SLCO3A1: variants seen among roughly 807,000 people sequenced by gnomAD.
The protein encoded by SLCO3A1 is solute carrier organic anion transporter family member 3A1, also known as PGE1 transporter.
SLCO3A1 carries 27 observed loss-of-function variants against 63.1 expected under a neutral mutation model. The ratio of observed to expected loss-of-function variants is 0.43; its 90% CI spans 0.32 to 0.59. The LOEUF (loss-of-function observed/expected upper bound fraction) is 0.59. Among genes scored for constraint, SLCO3A1 ranks in the 20% least tolerant of loss-of-function variants. The probability of loss-of-function intolerance (pLI) is 0.09; values close to 1 mark genes in which losing one functional copy is unlikely to be tolerated. For missense variants in SLCO3A1, 773 were observed against 945.8 expected (o/e 0.82, Z 2.40); for synonymous variants, 473 against 409.9 (o/e 1.15, Z -1.86).
intron 4 of SLCO3A1, among the ~76,000 whole-genome samples, chr15:92,112,059 G>C (rs1287719651): frequency 6.6e-6 from 1 of 152,216 alleles, no homozygotes; most frequent in African/African-American, 2.4e-5. Context: ...GGTTCAAAGG[G>C]ATGAACTGAG....
intron 2 of SLCO3A1, among the ~76,000 whole-genome samples, chr15:91,979,205 A>G (rs1355974366): frequency 6.6e-6 from 1 of 151,334 alleles, no homozygotes; most frequent in African/African-American, 2.4e-5. Flanking sequence ...TTTTTTTTTT[A>G]ATTTTGGAAT....
At chr15:92,010,177 T>A (rs12905912) in intron 2 of SLCO3A1, among the ~76,000 whole-genome samples, 47,922 of 152,098 alleles carry the variant, frequency 0.32, 7,751 homozygotes, top group Admixed American at 0.37. Context: ...TTTTGTTGAA[T>A]TATGGGATGC....
chr15:91,998,206 C>A (rs956208959), intron 2 of SLCO3A1, among the ~76,000 whole-genome samples: 1 of 152,138 alleles, frequency 6.6e-6, no homozygotes, highest in Non-Finnish European at 1.5e-5. Context: ...GTAATCCCAG[C>A]ACTTTGGGAG....
In SLCO3A1 at chr15:91,942,276, A is replaced by G. The variant is rs991173439; in HGVS notation, c.646+25818A>G. Among the ~76,000 whole-genome samples the G allele has an allele frequency of 2.0e-5, 3 of 152,306 alleles. No individual in the cohort carries two copies. ...CAACTGCTGAACCCCACAATGTCTG[A>G]TCTATAGCAGGCATTTCAGAGCCTC... On this transcript the variant is annotated intron_variant, in intron 2 of 9. Transcript: ENST00000318445. This position sits in a 1 kb window ranked among gnomAD's most constrained non-coding sequence, Gnocchi z 4.1.
At chr15:91,979,765 A>G (rs2045960961) in intron 2 of SLCO3A1, among the ~76,000 whole-genome samples, 1 of 152,218 alleles carries the variant, frequency 6.6e-6, no homozygotes, top group East Asian at 1.9e-4. Context: ...TATACAATGC[A>G]TGTCAAGTGC....
chr15:91,940,292 A>G (rs74028385), intron 2 of SLCO3A1, among the ~76,000 whole-genome samples: 1,740 of 152,022 alleles, frequency 0.011, 37 homozygotes, highest in African/African-American at 0.04. Context: ...TACACGTGCA[A>G]TCCAATAGAT....
chr15:91,984,648 A>G (rs1255618592), intron 2 of SLCO3A1, among the ~76,000 whole-genome samples: 2 of 152,222 alleles, frequency 1.3e-5, no homozygotes, highest in African/African-American at 4.8e-5. Context: ...ACAGTATTGT[A>G]AAATGTCTTA....
At chr15:91,884,155 T>C (rs1775613193) in intron 1 of SLCO3A1, among the ~76,000 whole-genome samples, 1 of 152,252 alleles carries the variant, frequency 6.6e-6, no homozygotes, top group South Asian at 2.1e-4. Flanking sequence ...TCCGAGGTCC[T>C]GAGAGTTAGA....
In SLCO3A1 at chr15:91,965,721, G is replaced by GGTGTGTGT. The variant is rs35543509; in HGVS notation, c.646+49289_646+49296dup. 2.2e-3 allele frequency among the ~76,000 whole-genome samples: 318 copies of GGTGTGTGT among 147,628 alleles called. 3 individuals are homozygous for GGTGTGTGT. The highest frequency in any genetic ancestry group is 7.0e-3 in the African/African-American group (279 of 40,066). On this transcript the variant is annotated intron_variant, in intron 2 of 9. Transcript: ENST00000318445. ...CACTTGAATTGTGGGCAGCCAGCAG[G>GGTGTGTGT]GTGTGTGTGTGTGTGTGTGTGTGTG...
intron 1 of SLCO3A1, among the ~76,000 whole-genome samples, chr15:91,866,166 G>A (rs942268288): frequency 6.6e-5 from 10 of 152,116 alleles, no homozygotes; most frequent in Non-Finnish European, 1.2e-4. Context: ...GGGCCTAGCC[G>A]AATGCTGGGA....
At chr15:91,896,166 T>C (rs1268512602) in intron 1 of SLCO3A1, among the ~76,000 whole-genome samples, 1 of 152,144 alleles carries the variant, frequency 6.6e-6, no homozygotes, top group African/African-American at 2.4e-5. Flanking sequence ...GTTCATAATA[T>C]GGTTGTAGAA....
At chr15:92,060,468 G>A (rs918764556) in intron 2 of SLCO3A1, among the ~76,000 whole-genome samples, 21 of 151,114 alleles carry the variant, frequency 1.4e-4, no homozygotes, top group African/African-American at 2.9e-4. Context: ...GCTGAGGCAC[G>A]CTTGAACCTG....
chr15:92,101,278 G>A lies in SLCO3A1; in HGVS notation c.746-3001G>A, dbSNP rs147286956. ...AATCTCAGCACTTTGGGAGGCCAAC[G>A]CGGGTGGATCACCTGAGGTCAGGAG... On this transcript the variant is annotated intron_variant, in intron 3 of 9. Coordinates refer to ENST00000318445, the MANE Select transcript of SLCO3A1 (RefSeq NM_013272.4). Among the ~76,000 whole-genome samples, 254 of 152,262 alleles carry A rather than the reference G, an allele frequency of 1.7e-3. 3 individuals are homozygous for A. The highest frequency in any genetic ancestry group is 5.7e-3 in the African/African-American group (238 of 41,542).
intron 1 of SLCO3A1, among the ~76,000 whole-genome samples, chr15:91,908,333 C>T (rs1384691725): frequency 6.6e-6 from 1 of 151,674 alleles, no homozygotes; most frequent in African/African-American, 2.4e-5. Flanking sequence ...TAAAATGGCC[C>T]CCATTTATAT....
At chr15:91,910,875 G>A (rs1162616537) in intron 1 of SLCO3A1, among the ~76,000 whole-genome samples, 3 of 152,232 alleles carry the variant, frequency 2.0e-5, no homozygotes, top group African/African-American at 7.2e-5. Flanking sequence ...GGTGATGCCA[G>A]TTCAGGCCAA....
intron 2 of SLCO3A1, among the ~76,000 whole-genome samples, chr15:92,017,314 A>G (rs1209343668): frequency 6.6e-6 from 1 of 151,688 alleles, no homozygotes; most frequent in Non-Finnish European, 1.5e-5. Context: ...AGCAGGTGGC[A>G]TTGAAAACAT....
intron 2 of SLCO3A1, among the ~76,000 whole-genome samples, chr15:92,001,137 A>G (rs556964036): frequency 1.3e-5 from 2 of 148,236 alleles, no homozygotes; most frequent in Non-Finnish European, 3.0e-5. Flanking sequence ...AAAAAAGAAA[A>G]ATTTACAACC....
At chr15:92,106,229 G>A (rs2047666186) in intron 4 of SLCO3A1, among the ~76,000 whole-genome samples, 1 of 152,200 alleles carries the variant, frequency 6.6e-6, no homozygotes, top group Non-Finnish European at 1.5e-5. Flanking sequence ...TTCTACCAAT[G>A]CTGTAATTTG....
chr15:92,106,543 G>T (rs182923741), intron 4 of SLCO3A1, among the ~76,000 whole-genome samples: 1 of 152,164 alleles, frequency 6.6e-6, no homozygotes, highest in South Asian at 2.1e-4. Context: ...GGCCATGGGC[G>T]ACTACAGTAT....
Sources: gnomAD v4.1 joint callset for allele counts (sites outside exome capture counted in the v4.1 genomes callset) on GRCh38, gnomAD v4.1.1 for gene constraint, Gnocchi (gnomAD v3.1) non-coding constraint, MANE v1.5 for transcripts, NCBI Gene and HGNC (gene_info 2026-07-23, HGNC 2026-07-21) for gene names.